NTRK3: variants seen among roughly 807,000 people sequenced by gnomAD.
NTRK3 encodes NT-3 growth factor receptor.
NTRK3 carries 24 observed loss-of-function variants against 91.7 expected under a neutral mutation model. The observed-to-expected ratio is 0.26, with a 90% CI of 0.19 to 0.37. The LOEUF (loss-of-function observed/expected upper bound fraction) is 0.37, where lower values mean the gene tolerates loss of function less well. Ranked by LOEUF, NTRK3 falls within the 10% of genes least tolerant of loss-of-function variation. NTRK3 has a pLI of 1.00. For missense variants in NTRK3, 880 were observed against 1,068.9 expected (o/e 0.82, Z 2.46); for synonymous variants, 483 against 404.0 (o/e 1.20, Z -2.34).
chr15:87,994,920 T>C (rs965396594), intron 14 of NTRK3, among the ~76,000 whole-genome samples: 3 of 152,064 alleles, frequency 2.0e-5, no homozygotes, highest in African/African-American at 7.2e-5. Context: ...GACAGATGGA[T>C]AGATGGATAA....
At chr15:87,987,899 T>C (rs919470816) in intron 14 of NTRK3, among the ~76,000 whole-genome samples, 3 of 151,410 alleles carry the variant, frequency 2.0e-5, no homozygotes, top group Non-Finnish European at 4.4e-5. Flanking sequence ...ATAATAATAA[T>C]AAATATAAGA....
At chr15:88,128,546 A>C (rs960674942) in intron 11 of NTRK3, among the ~76,000 whole-genome samples, 165 bp downstream of exon 11, 1 of 152,168 alleles carries the variant, frequency 6.6e-6, no homozygotes, top group Non-Finnish European at 1.5e-5. Flanking sequence ...GGAACTGCCT[A>C]AAAAGCATTG....
At chr15:88,042,605 C>T (rs1028922261) in intron 13 of NTRK3, among the ~76,000 whole-genome samples, 1 of 152,230 alleles carries the variant, frequency 6.6e-6, no homozygotes, top group Non-Finnish European at 1.5e-5. Context: ...GAACCAAAGG[C>T]GTTGTTCATG....
intron 14 of NTRK3, among the ~76,000 whole-genome samples, chr15:88,013,875 G>A: frequency 6.6e-6 from 1 of 152,064 alleles, no homozygotes; most frequent in Non-Finnish European, 1.5e-5. Flanking sequence ...AGGAGATTGA[G>A]GCTGCAGTGA....
chr15:88,177,245 G>A (rs959281241), intron 5 of NTRK3, among the ~76,000 whole-genome samples: 1 of 152,110 alleles, frequency 6.6e-6, no homozygotes, highest in Non-Finnish European at 1.5e-5. Context: ...GTAATTGGAG[G>A]GCTTTAAGCA....
At chr15:87,932,392 C>A (rs572858340) in intron 16 of NTRK3, among the ~76,000 whole-genome samples, 1 of 152,236 alleles carries the variant, frequency 6.6e-6, no homozygotes, top group South Asian at 2.1e-4. Flanking sequence ...GGAACTAGTG[C>A]GACTGAATTT....
chr15:88,136,918 C>A (rs535611438), intron 7 of NTRK3, among the ~76,000 whole-genome samples: 2 of 152,318 alleles, frequency 1.3e-5, no homozygotes, highest in South Asian at 2.1e-4. Context: ...ACACTTTGGG[C>A]TCTGGTTATC....
chr15:87,925,877 T>C (rs1364600356), intron 17 of NTRK3, among the ~76,000 whole-genome samples: 1 of 152,226 alleles, frequency 6.6e-6, no homozygotes, highest in Non-Finnish European at 1.5e-5. Flanking sequence ...CATATGGAAA[T>C]AAAATTATCC....
rs912269738 is a variant in NTRK3 at position 88,176,133 on chromosome 15, C to T, written c.395+7285G>A. Among the ~76,000 whole-genome samples the T allele has an allele frequency of 3.5e-4, 41 of 115,638 alleles. 1 individual carries two copies. Among genetic ancestry groups the T allele is most frequent in the African/African-American group, 1.6e-3 (39 of 24,952 alleles). 75.9% of individuals were successfully genotyped at this position (115,638 alleles called of 152,430 possible). ...GCATGTAATATTTGCCTATATGCCC[C>T]TTCTTTTTTTTTTTTTTTTTTTGAG... On this transcript the variant is annotated intron_variant, in intron 5 of 18. Transcript: ENST00000394480.
At chr15:87,908,482 G>T in intron 17 of NTRK3, 1 of 399,906 alleles carries the variant, frequency 2.5e-6, no homozygotes, top group South Asian at 1.3e-4. Context: ...ATCAAATCCA[G>T]ACTCACTGTG....
chr15:88,158,025 C>T lies in NTRK3; in HGVS notation c.396-10622G>A, dbSNP rs115757726. ...TTTGGCACCTCACGGGCCCGGGTGC[C>T]GGTCCTACCACTGCTGCCTCCATGC... is the stretch of plus-strand genomic sequence containing the variant. On this transcript the variant is annotated intron_variant, in intron 5 of 18. Coordinates refer to ENST00000394480, the Ensembl canonical transcript of NTRK3. 6.6e-3 allele frequency among the ~76,000 whole-genome samples: 998 copies of T among 152,298 alleles called. 13 individuals are homozygous for T. The highest frequency in any genetic ancestry group is 0.023 in the African/African-American group (943 of 41,570).
In NTRK3 at chr15:87,884,149, T is replaced by C. The variant is rs140370879; in HGVS notation, c.2134-3721A>G. On this transcript the variant is annotated intron_variant, in intron 17 of 18. Transcript: ENST00000394480. ...ATCAGAATTGATCTACACAATCAAT[T>C]GTTAGTTCTCTCAAAAGTTACATAA... Among the ~76,000 whole-genome samples the C allele has an allele frequency of 4.4e-3, 667 of 151,628 alleles. 3 individuals are homozygous for C. Among genetic ancestry groups the C allele is most frequent in the Non-Finnish European group, 7.2e-3 (487 of 67,566 alleles).
intron 17 of NTRK3, among the ~76,000 whole-genome samples, chr15:87,888,877 C>T (rs932350699): frequency 5.9e-5 from 9 of 152,102 alleles, no homozygotes; most frequent in African/African-American, 2.2e-4. Flanking sequence ...TGACATTATG[C>T]TCCAGAACAT....
At chr15:88,107,237 G>C (rs1173527107) in intron 13 of NTRK3, among the ~76,000 whole-genome samples, 1 of 152,090 alleles carries the variant, frequency 6.6e-6, no homozygotes, top group African/African-American at 2.4e-5. Context: ...GAGCTCAGGA[G>C]TTCAGGACCA....
At chr15:88,153,802 T>C (rs1001915536) in intron 5 of NTRK3, among the ~76,000 whole-genome samples, 2 of 151,992 alleles carry the variant, frequency 1.3e-5, no homozygotes, top group Non-Finnish European at 2.9e-5. Flanking sequence ...GCCTCTTTTA[T>C]AGAGCACTAA....
chr15:88,245,436 G>A (rs1190380627), intron 3 of NTRK3, among the ~76,000 whole-genome samples: 1 of 152,152 alleles, frequency 6.6e-6, no homozygotes, highest in Non-Finnish European at 1.5e-5. Context: ...GATTTAAACT[G>A]AGTTTTTTGA....
chr15:88,092,999 G>A (rs1298029091), intron 13 of NTRK3, among the ~76,000 whole-genome samples: 3 of 151,022 alleles, frequency 2.0e-5, no homozygotes, highest in African/African-American at 7.3e-5. Flanking sequence ...GACATATACA[G>A]GTTCAGGGAT....
intron 3 of NTRK3, among the ~76,000 whole-genome samples, chr15:88,202,484 T>C (rs1344613164): frequency 6.6e-6 from 1 of 152,212 alleles, no homozygotes; most frequent in Non-Finnish European, 1.5e-5. Context: ...TGAGTCAGTG[T>C]TTCTGAAAGC....
chr15:88,074,667 G>T (rs559913346), intron 13 of NTRK3, among the ~76,000 whole-genome samples: 14 of 152,308 alleles, frequency 9.2e-5, no homozygotes, highest in African/African-American at 3.4e-4. Context: ...AGCCGTATAT[G>T]ATGTGGTTTT....
Sources: allele counts gnomAD v4.1 joint callset (sites outside exome capture counted in the v4.1 genomes callset), GRCh38; gene constraint gnomAD v4.1.1; transcripts MANE v1.5; gene names NCBI Gene and HGNC (gene_info 2026-07-23, HGNC 2026-07-21).